Variants in SESTD1 observed in about 807,000 individuals in gnomAD.
SESTD1 encodes SEC14 and spectrin domain containing 1.
Under a neutral mutation model 101.7 loss-of-function variants are expected in SESTD1, and 43 were observed. That is an observed-to-expected ratio of 0.42 (90% CI 0.33 to 0.55). The LOEUF (loss-of-function observed/expected upper bound fraction) is 0.55, where lower values mean the gene tolerates loss of function less well. Ranked by LOEUF, SESTD1 falls within the 20% of genes least tolerant of loss-of-function variation. The pLI is 0.07. For synonymous variants in SESTD1, 283 were observed against 286.8 expected (o/e 0.99, Z 0.13); for missense variants, 647 against 815.1 (o/e 0.79, Z 2.51).
chr2:179,168,026 G>A (rs80095385), intron 5 of SESTD1, among the ~76,000 whole-genome samples: 2,266 of 152,282 alleles, frequency 0.015, 133 homozygotes, highest in East Asian at 0.11. Context: ...GCCTCCCAAA[G>A]TGCTGGGATT....
chr2:179,116,478 G>A (rs558856000), intron 15 of SESTD1, 190 bp downstream of exon 15: 2 of 776,108 alleles, frequency 2.6e-6, no homozygotes, highest in Non-Finnish European at 4.2e-6. Flanking sequence ...ATGTATTCAG[G>A]GAAACGTAAA....
chr2:179,233,946 G>C (rs1425535481), intron 1 of SESTD1, among the ~76,000 whole-genome samples: 1 of 152,182 alleles, frequency 6.6e-6, no homozygotes, highest in Non-Finnish European at 1.5e-5. Context: ...TTCAGGTGTT[G>C]ACTTGACTGG....
chr2:179,152,672 A>C (rs2045553624), intron 5 of SESTD1, among the ~76,000 whole-genome samples: 1 of 152,204 alleles, frequency 6.6e-6, no homozygotes. Context: ...CGGAAGAGGG[A>C]AAATTTCATC....
chr2:179,186,082 TAA>T (rs2105491043), intron 2 of SESTD1, among the ~76,000 whole-genome samples: 1 of 147,338 alleles, frequency 6.8e-6, no homozygotes, highest in Non-Finnish European at 1.5e-5. Context: ...ATATATAATA[TAA>T]TACATACTAG....
chr2:179,187,688 C>G (rs1343937512), intron 2 of SESTD1, among the ~76,000 whole-genome samples: 3 of 152,060 alleles, frequency 2.0e-5, no homozygotes, highest in South Asian at 2.1e-4. Flanking sequence ...AGAGACCCAT[C>G]TCACATGTAA....
chr2:179,167,291 G>C (rs544458952), intron 5 of SESTD1, among the ~76,000 whole-genome samples: 1 of 152,254 alleles, frequency 6.6e-6, no homozygotes, highest in South Asian at 2.1e-4. Flanking sequence ...GAAACAAAGA[G>C]TGAACTTGAA....
In SESTD1 at chr2:179,132,422, A is replaced by G; in HGVS notation, c.854T>C (p.Val285Ala). Residue 285 changes from valine to alanine, a missense_variant, in exon 10 of 18, where the codon GTG becomes GCG. Around this residue, in one of 3 missense-constraint regions of SESTD1, gnomAD observed 476 missense variants for 562.6 expected, o/e 0.85. Transcript: ENST00000428443. ...EEIQQKVMQV[V>A]NWLEGPGSEQ... ...TGATCCAGGCCCTTCTAGCCAGTTC[A>G]CCACCTATAAACAAAAGTTGAGATA... 2 of 1,551,734 alleles carry G rather than the reference A, an allele frequency of 1.3e-6. No homozygotes were observed. Among genetic ancestry groups the G allele is most frequent in the Non-Finnish European group, 1.7e-6 (2 of 1,160,254 alleles).
intron 1 of SESTD1, among the ~76,000 whole-genome samples, chr2:179,241,234 A>C (rs1386025653): frequency 2.0e-5 from 3 of 152,176 alleles, no homozygotes; most frequent in Non-Finnish European, 4.4e-5. Context: ...ATGAAAGATC[A>C]AACATTTGTT....
In SESTD1 at chr2:179,158,438, A is replaced by G. The variant is rs61640411; in HGVS notation, c.370-7047T>C. Among the ~76,000 whole-genome samples the G allele has an allele frequency of 6.6e-3, 1,012 of 152,266 alleles. 9 individuals are homozygous for G. The highest frequency in any genetic ancestry group is 0.023 in the African/African-American group (974 of 41,552). ...ACATGTTTCAAGTTTAATGAGCCAC[A>G]CGGAAATTTTCCAGTTAACAGTTAC... On this transcript the variant is annotated intron_variant, in intron 5 of 17. Transcript: ENST00000428443.
intron 1 of SESTD1, among the ~76,000 whole-genome samples, chr2:179,240,345 T>TA (rs2047133013): frequency 6.6e-6 from 1 of 152,144 alleles, no homozygotes; most frequent in Admixed American, 6.5e-5. Context: ...ATGGAGTAGA[T>TA]ACAATTTTTC....
chr2:179,227,947 G>A (rs985179976), intron 1 of SESTD1, among the ~76,000 whole-genome samples: 1 of 152,134 alleles, frequency 6.6e-6, no homozygotes, highest in African/African-American at 2.4e-5. Context: ...TTGGTATGGG[G>A]TGATATGCCA....
intron 1 of SESTD1, among the ~76,000 whole-genome samples, chr2:179,262,516 G>A (rs2047497493): frequency 6.6e-6 from 1 of 152,052 alleles, no homozygotes; most frequent in Admixed American, 6.6e-5. Context: ...TCCTCAAGAG[G>A]TTGCTCATGT....
intron 5 of SESTD1, among the ~76,000 whole-genome samples, chr2:179,166,678 T>C (rs1393744620): frequency 6.6e-6 from 1 of 152,146 alleles, no homozygotes; most frequent in Non-Finnish European, 1.5e-5. Context: ...GTCAACTGTA[T>C]ACAGAAAGAC....
At chr2:179,220,324 T>C (rs898142656) in intron 1 of SESTD1, among the ~76,000 whole-genome samples, 1 of 152,238 alleles carries the variant, frequency 6.6e-6, no homozygotes, top group Non-Finnish European at 1.5e-5. Context: ...TAAAAATCTT[T>C]GGCTCTTCTT....
intron 9 of SESTD1, among the ~76,000 whole-genome samples, chr2:179,139,242 C>T (rs991030698): frequency 6.6e-6 from 1 of 152,152 alleles, no homozygotes; most frequent in African/African-American, 2.4e-5. Context: ...CACTGATCCT[C>T]TTTAACCATC....
intron 7 of SESTD1, among the ~76,000 whole-genome samples, chr2:179,147,667 G>A (rs2045426288): frequency 6.6e-6 from 1 of 151,978 alleles, no homozygotes; most frequent in Non-Finnish European, 1.5e-5. Context: ...GCCTGAACAA[G>A]ATATGTTTTA....
rs187459423 is a variant in SESTD1 at position 179,217,131 on chromosome 2, A to G, written c.-25-25265T>C. Among the ~76,000 whole-genome samples, 1,339 of 152,334 alleles carry G rather than the reference A, an allele frequency of 8.8e-3. 8 individuals are homozygous for G. Among genetic ancestry groups the G allele is most frequent in the Non-Finnish European group, 0.013 (882 of 68,026 alleles). ...TGGCAACAAAAGCCAAAATTGACAA[A>G]TGGGATCTAATTAAACTAAAGAGCT... is the stretch of plus-strand genomic sequence containing the variant. On this transcript the variant is annotated intron_variant, in intron 1 of 17. Coordinates refer to ENST00000428443, the MANE Select transcript of SESTD1 (RefSeq NM_178123.5).
At chr2:179,169,076 A>C (rs1241839581) in intron 5 of SESTD1, among the ~76,000 whole-genome samples, 3 of 152,288 alleles carry the variant, frequency 2.0e-5, no homozygotes, top group African/African-American at 7.2e-5. Flanking sequence ...AACCCCATAA[A>C]ATCTAGCAAG....
intron 10 of SESTD1, among the ~76,000 whole-genome samples, chr2:179,127,938 A>C (rs1440686047): frequency 6.6e-6 from 1 of 152,250 alleles, no homozygotes; most frequent in Admixed American, 6.5e-5. Context: ...ACATATCATT[A>C]AATGCTCTAA....
Sources: allele counts gnomAD v4.1 joint callset (sites outside exome capture counted in the v4.1 genomes callset), GRCh38; gene constraint gnomAD v4.1.1; regional missense constraint gnomAD v4.1.1; transcripts MANE v1.5; gene names NCBI Gene and HGNC (gene_info 2026-07-23, HGNC 2026-07-21).